Variants in TRPM4 observed in about 807,000 individuals in gnomAD.
The protein encoded by TRPM4 is transient receptor potential cation channel subfamily M member 4.
In TRPM4, 124 loss-of-function variants were observed where a neutral mutation model predicts 135.6. The observed-to-expected ratio is 0.91, with a 90% CI of 0.79 to 1.06. The LOEUF (loss-of-function observed/expected upper bound fraction) is 1.06, where lower values mean the gene tolerates loss of function less well. Ranked by LOEUF, TRPM4 falls within the 50% of genes least tolerant of loss-of-function variation. The probability of loss-of-function intolerance (pLI) is 0.00; values close to 1 mark genes in which losing one functional copy is unlikely to be tolerated. For missense variants in TRPM4, 1,658 were observed against 1,671.4 expected (o/e 0.99, Z 0.14); for synonymous variants, 745 against 705.6 (o/e 1.06, Z -0.88).
chr19:49,172,686 A>G (rs1055137370), intron 9 of TRPM4, among the ~76,000 whole-genome samples: 4 of 145,568 alleles, frequency 2.7e-5, no homozygotes, highest in African/African-American at 1.0e-4. Context: ...TGAGAATTCC[A>G]TCCACTCATT....
Position 49,182,672 on chromosome 19 carries a change from A to G in TRPM4, c.1358A>G (p.His453Arg). 1 of 1,614,140 alleles carries G rather than the reference A, an allele frequency of 6.2e-7. No individual in the cohort carries two copies. Among genetic ancestry groups the G allele is most frequent in the African/African-American group, 1.3e-5 (1 of 75,038 alleles). The change falls in exon 11 of 25, where the codon CAC becomes CGC. Residue 453 changes from histidine to arginine, a missense_variant. His to Arg is a conservative substitution (Grantham distance 29). Around this residue, in one of 3 missense-constraint regions of TRPM4, gnomAD observed 1,412 missense variants for 1,408.7 expected, o/e 1.00. Transcript: ENST00000252826. The part of the protein sequence containing the change: ...LLISHGLSLG[H>R]FLTPMRLAQL... ...ATTTCCCACGGCCTCAGCCTGGGCC[A>G]CTTCCTGACCCCGATGCGCCTGGCC...
intron 9 of TRPM4, among the ~76,000 whole-genome samples, chr19:49,173,489 A>G (rs1967553107): frequency 6.6e-6 from 1 of 152,136 alleles, no homozygotes; most frequent in African/African-American, 2.4e-5. Flanking sequence ...TTCCTTCCCT[A>G]CATGCTTCCA....
Position 49,178,762 on chromosome 19 carries a change from T to TATTATTATTATTATTA in TRPM4, c.1151-2587_1151-2586insATTATTATTATTATTA, listed in dbSNP as rs11446693. On this transcript the variant is annotated intron_variant, in intron 9 of 24. Coordinates refer to ENST00000252826, the MANE Select transcript of TRPM4 (RefSeq NM_017636.4). ...GTATTATTATTATTATTATTTTTAT[T>TATTATTATTATTATTA]TTTTTATTTTTTTTGAGATGGAGTC... Among the ~76,000 whole-genome samples, 54 of 149,642 alleles carry TATTATTATTATTATTA rather than the reference T, an allele frequency of 3.6e-4. 1 individual carries two copies. Among genetic ancestry groups the TATTATTATTATTATTA allele is most frequent in the South Asian group, 3.2e-3 (15 of 4,694 alleles).
At position 49,183,918 on chromosome 19, in the gene TRPM4, C is replaced by T. The variant is rs559099381; in HGVS notation, c.1743+706C>T. Among the ~76,000 whole-genome samples the T allele has an allele frequency of 1.6e-3, 240 of 151,602 alleles. 1 individual carries two copies. The highest frequency in any genetic ancestry group is 0.01 in the South Asian group (49 of 4,790). ...CCTCCCGAGTAGCTGGGACTACAGGCGCCCGCCACCACGCCCAGCTAATTT... is the reference window on the plus strand; with the variant it reads ...CCTCCCGAGTAGCTGGGACTACAGGTGCCCGCCACCACGCCCAGCTAATTT... On this transcript the variant is annotated intron_variant, in intron 12 of 24. Transcript: ENST00000252826.
intron 17 of TRPM4, 114 bp downstream of exon 17, chr19:49,196,988 C>T (rs1418787795): frequency 1.4e-5 from 15 of 1,048,664 alleles, no homozygotes; most frequent in Non-Finnish European, 1.9e-5. Flanking sequence ...GTCAAGCCAA[C>T]CCTGCTGATT....
chr19:49,158,113 G>A, intron 1 of TRPM4, 79 bp from the exon 2 acceptor site: 1 of 1,434,864 alleles, frequency 7.0e-7, no homozygotes, highest in Non-Finnish European at 9.8e-7. Context: ...CGCACGGGGT[G>A]GGTGGCTCTG....
chr19:49,178,215 C>T (rs538479671), intron 9 of TRPM4, among the ~76,000 whole-genome samples: 6 of 152,144 alleles, frequency 3.9e-5, no homozygotes, highest in African/African-American at 9.6e-5. Context: ...CCCAGCTACT[C>T]GGGAGGCTGA....
rs1299205366 is a variant in TRPM4 at position 49,192,516 on chromosome 19, A to G, written c.2210+1743A>G. On this transcript the variant is annotated intron_variant, in intron 16 of 24. Transcript: ENST00000252826. The stretch of plus-strand genomic sequence containing the variant: ...TGTAGCCATAAAAAAGAACGAGATC[A>G]TTTCCTTTGCAGTGACATGGTTGGA... Among the ~76,000 whole-genome samples the G allele has an allele frequency of 1.3e-5, 2 of 152,174 alleles. 1 individual carries two copies.
At chr19:49,182,057 TATCCATCCATCCATCCATCC>T (rs753427789) in intron 10 of TRPM4, among the ~76,000 whole-genome samples, 2 of 130,418 alleles carry the variant, frequency 1.5e-5, no homozygotes, top group South Asian at 2.6e-4. Flanking sequence ...TCCATCCATT[TATCCATCCATCCATCCATCC>T]ATCCATCCAT....
At chr19:49,165,840 C>T (rs950897347) in intron 2 of TRPM4, among the ~76,000 whole-genome samples, 3 of 152,296 alleles carry the variant, frequency 2.0e-5, no homozygotes, top group East Asian at 1.9e-4. Flanking sequence ...GGCTTCCTTC[C>T]CGTGGGGAAA....
At chr19:49,193,841 TCTC>T (rs1257745282) in intron 16 of TRPM4, among the ~76,000 whole-genome samples, 1 of 151,912 alleles carries the variant, frequency 6.6e-6, no homozygotes, top group African/African-American at 2.4e-5. Flanking sequence ...CTTTCACTAT[TCTC>T]CTCCTTCTCC....
intron 20 of TRPM4, among the ~76,000 whole-genome samples, chr19:49,204,708 T>A (rs903425410): frequency 9.2e-5 from 14 of 151,726 alleles, no homozygotes; most frequent in African/African-American, 3.4e-4. Context: ...TTTTTTAATT[T>A]TTTTTTTACT....
chr19:49,166,158 G>A lies in TRPM4; in HGVS notation c.210G>A (p.Lys70=). 6 of 1,608,786 alleles carry A rather than the reference G, an allele frequency of 3.7e-6. No homozygotes were observed. Among genetic ancestry groups the A allele is most frequent in the Non-Finnish European group, 5.1e-6 (6 of 1,178,404 alleles). The change falls in exon 3 of 25, where the codon AAG becomes AAA. Residue 70 remains lysine, a synonymous_variant. Transcript: ENST00000252826. ...VWDSDAHTTE[K]PTDAYGELDF... ...ACAGCGATGCACACACCACGGAGAA[G>A]CCCACCGATGCCTACGGAGAGCTGG...
chr19:49,158,246 T>C lies in TRPM4; in HGVS notation c.79T>C (p.Ser27Pro). 1 of 1,613,814 alleles carries C rather than the reference T, an allele frequency of 6.2e-7. No homozygotes were observed. The highest frequency in any genetic ancestry group is 8.5e-7 in the Non-Finnish European group (1 of 1,179,950). ...KKTCTTFIVD[S>P]TDPGGTLCQC... ...GACCTGCACGACGTTCATAGTTGAC[T>C]CCACAGATCCGGGGTGAGGAGTTCG... Residue 27 changes from serine (S) to proline (P), a missense_variant, in exon 2 of 25, where the codon TCC becomes CCC. By Grantham distance (74) the Ser-to-Pro change is moderately conservative. Transcript: ENST00000252826.
chr19:49,193,038 C>T (rs1968469952), intron 16 of TRPM4, among the ~76,000 whole-genome samples: 2 of 150,544 alleles, frequency 1.3e-5, no homozygotes, highest in Admixed American at 1.3e-4. Context: ...GAAACACGTA[C>T]AATGAGCAAC....
intron 10 of TRPM4, 94 bp from the exon 11 acceptor site, chr19:49,182,471 TCCATCCATCCATC>T (rs1968013707): frequency 1.3e-6 from 1 of 782,442 alleles, no homozygotes; most frequent in African/African-American, 1.7e-5. Context: ...CATCCATCCA[TCCATCCATCCATC>T]CATCCATCCA....
chr19:49,162,453 C>T (rs1318292614), intron 2 of TRPM4, among the ~76,000 whole-genome samples: 2 of 152,032 alleles, frequency 1.3e-5, no homozygotes, highest in African/African-American at 2.4e-5. Context: ...GCACGAGAGT[C>T]GCTTGAGCCC....
At chr19:49,166,266 C>G in intron 3 of TRPM4, 51 bp downstream of exon 3, 2 of 1,534,352 alleles carry the variant, frequency 1.3e-6, no homozygotes, top group Non-Finnish European at 1.8e-6. Flanking sequence ...GCTGCATGCT[C>G]GGGGCTCCAG....
At chr19:49,198,303 T>G (rs1053004265) in intron 17 of TRPM4, among the ~76,000 whole-genome samples, 24 of 152,118 alleles carry the variant, frequency 1.6e-4, no homozygotes, top group Admixed American at 1.6e-3. Flanking sequence ...TTTGGACAGT[T>G]TATCAAGCCT....
Sources: gnomAD v4.1 joint callset for allele counts (sites outside exome capture counted in the v4.1 genomes callset) on GRCh38, gnomAD v4.1.1 for gene constraint, gnomAD v4.1.1 regional missense constraint, MANE v1.5 for transcripts, NCBI Gene and HGNC (gene_info 2026-07-23, HGNC 2026-07-21) for gene names.